Variants in SPAG17 observed in about 807,000 individuals in gnomAD.
SPAG17 encodes sperm associated antigen 17, also known as sperm-associated antigen 17.
SPAG17 carries 169 observed loss-of-function variants against 273.6 expected under a neutral mutation model. That is an observed-to-expected ratio of 0.62 (90% CI 0.55 to 0.70). SPAG17 has a LOEUF of 0.70. SPAG17 is among the 30% of genes least tolerant of loss of function. SPAG17 has a pLI of 0.00. For missense variants in SPAG17, 2,557 were observed against 2,627.8 expected (o/e 0.97, Z 0.59); for synonymous variants, 825 against 873.2 (o/e 0.94, Z 0.97).
intron 20 of SPAG17, among the ~76,000 whole-genome samples, chr1:118,049,770 A>G (rs966224064): frequency 6.6e-6 from 1 of 152,240 alleles, no homozygotes; most frequent in African/African-American, 2.4e-5. Context: ...GTAGGTAGCT[A>G]GTCAGGCATG....
At chr1:118,032,994 C>T (rs1202291939) in intron 24 of SPAG17, among the ~76,000 whole-genome samples, 1 of 152,142 alleles carries the variant, frequency 6.6e-6, no homozygotes, top group East Asian at 1.9e-4. Flanking sequence ...GCTCGGGCCC[C>T]ACCTTGACCT....
chr1:118,054,059 A>T lies in SPAG17; in HGVS notation c.2757T>A (p.Asp919Glu). The T allele has an allele frequency of 6.2e-7, 1 of 1,607,426 alleles. No homozygotes were observed. The highest frequency in any genetic ancestry group is 8.5e-7 in the Non-Finnish European group (1 of 1,176,706). The change falls in exon 20 of 49, where the codon GAT (aspartate) becomes GAA (glutamate). Residue 919 changes from aspartate (D) to glutamate (E), a missense_variant. Transcript: ENST00000336338. ...TTTCCTTCTCTTTTTCTTTTTCTTG[A>T]TCTGATATCTCTGTTTTGCTGATTC... ...NKGISKTEIS[D>E]QEKEKEKEKI...
intron 3 of SPAG17, among the ~76,000 whole-genome samples, chr1:118,139,623 A>G (rs543256664): frequency 7.2e-5 from 11 of 152,218 alleles, no homozygotes; most frequent in Non-Finnish European, 1.6e-4. Flanking sequence ...ATGGAATACT[A>G]TTCAGCCTTA....
chr1:117,956,480 G>C (rs1652211713), intron 48 of SPAG17, among the ~76,000 whole-genome samples: 1 of 152,144 alleles, frequency 6.6e-6, no homozygotes, highest in South Asian at 2.1e-4. Flanking sequence ...AAAGAAAATT[G>C]ATTAATGTGG....
At chr1:118,104,299 G>GT (rs1281965438) in intron 4 of SPAG17, among the ~76,000 whole-genome samples, 10 of 152,190 alleles carry the variant, frequency 6.6e-5, no homozygotes, top group Admixed American at 5.2e-4. Flanking sequence ...GTGGATTTTA[G>GT]TTTGAGCAAC....
At chr1:118,158,273 C>A (rs1485623588) in intron 1 of SPAG17, among the ~76,000 whole-genome samples, 1 of 152,168 alleles carries the variant, frequency 6.6e-6, no homozygotes. Flanking sequence ...TAACCTATCA[C>A]CAACCATAGA....
intron 28 of SPAG17, among the ~76,000 whole-genome samples, chr1:118,018,192 A>T (rs574895086): frequency 2.0e-5 from 3 of 152,156 alleles, no homozygotes; most frequent in Non-Finnish European, 4.4e-5. Flanking sequence ...GAATGCCAGA[A>T]CCTGCACAAT....
intron 26 of SPAG17, among the ~76,000 whole-genome samples, 154 bp from the exon 27 acceptor site, chr1:118,025,570 C>T (rs1378205092): frequency 6.6e-6 from 1 of 152,060 alleles, no homozygotes; most frequent in African/African-American, 2.4e-5. Flanking sequence ...TGCAATGGTG[C>T]AATCATAGCT....
chr1:117,956,323 T>C (rs1318898249), intron 48 of SPAG17, among the ~76,000 whole-genome samples: 1 of 152,186 alleles, frequency 6.6e-6, no homozygotes, highest in African/African-American at 2.4e-5. Context: ...TGTTATATTA[T>C]TTGTGATTTT....
chr1:118,016,006 G>C lies in SPAG17; in HGVS notation c.4246C>G (p.Pro1416Ala). 6.2e-7 allele frequency: 1 copy of C among 1,613,990 alleles called. No individual in the cohort carries two copies. The highest frequency in any genetic ancestry group is 8.5e-7 in the Non-Finnish European group (1 of 1,179,926). Residue 1416 changes from proline (P) to alanine (A), a missense_variant, in exon 29 of 49, where the codon CCA becomes GCA. Transcript: ENST00000336338. ...TCTGTGGCCTGAAAGGATAACAATG[G>C]GGTCAAGTCTGCTATTCTTTCTAAT... is the stretch of plus-strand genomic sequence containing the variant. ...KGLERIADLTPLLSFQATDPV... is the reference protein window; with the variant it reads ...KGLERIADLTALLSFQATDPV...
At chr1:118,026,321 C>T (rs1420993105) in intron 26 of SPAG17, among the ~76,000 whole-genome samples, 2 of 152,136 alleles carry the variant, frequency 1.3e-5, no homozygotes, top group African/African-American at 2.4e-5. Flanking sequence ...GCATACCGTA[C>T]CTAAGCAGGC....
At chr1:118,072,358 A>G (rs1247076159) in intron 17 of SPAG17, among the ~76,000 whole-genome samples, 1 of 152,168 alleles carries the variant, frequency 6.6e-6, no homozygotes, top group Non-Finnish European at 1.5e-5. Flanking sequence ...CCGGAGAGGG[A>G]ACACATGGGA....
chr1:118,002,179 T>G (rs952334807), intron 32 of SPAG17, among the ~76,000 whole-genome samples: 2 of 152,232 alleles, frequency 1.3e-5, no homozygotes, highest in Non-Finnish European at 2.9e-5. Context: ...TGCACTGTGG[T>G]CTGAGAGACA....
intron 4 of SPAG17, among the ~76,000 whole-genome samples, chr1:118,109,137 T>G (rs1339992130): frequency 6.6e-6 from 1 of 151,888 alleles, no homozygotes. Context: ...ATATCTATAC[T>G]TCATCTTATT....
intron 3 of SPAG17, among the ~76,000 whole-genome samples, chr1:118,120,425 A>G (rs1558027067): frequency 2.0e-5 from 3 of 152,212 alleles, no homozygotes; most frequent in Admixed American, 1.3e-4. Context: ...TATTTCATTT[A>G]AAATAATATT....
At chr1:117,994,571 A>G (rs777083039) in intron 34 of SPAG17, 41 bp from the exon 35 acceptor site, 2 of 1,572,338 alleles carry the variant, frequency 1.3e-6, no homozygotes, top group Non-Finnish European at 1.7e-6. Context: ...TACCCATTGA[A>G]AGTACTCAGA....
At chr1:117,995,467 C>A (rs1657549389) in intron 34 of SPAG17, among the ~76,000 whole-genome samples, 1 of 152,030 alleles carries the variant, frequency 6.6e-6, no homozygotes, top group African/African-American at 2.4e-5. Flanking sequence ...AGTTAAATGA[C>A]TAACAAACCA....
chr1:117,980,931 A>G (rs1288679513), intron 43 of SPAG17, among the ~76,000 whole-genome samples: 2 of 152,240 alleles, frequency 1.3e-5, no homozygotes, highest in East Asian at 3.8e-4. Context: ...TGGTTACTCA[A>G]GAAAAGCTAT....
chr1:118,081,972 A>G (rs901312531), intron 13 of SPAG17, among the ~76,000 whole-genome samples: 7 of 152,280 alleles, frequency 4.6e-5, no homozygotes, highest in African/African-American at 1.7e-4. Context: ...ACAACTTATT[A>G]TTTTTGAGTG....
Sources: allele counts gnomAD v4.1 joint callset (sites outside exome capture counted in the v4.1 genomes callset), GRCh38; gene constraint gnomAD v4.1.1; transcripts MANE v1.5; gene names NCBI Gene and HGNC (gene_info 2026-07-23, HGNC 2026-07-21).